The following SUFU variants were observed in gnomAD, a reference collection of about 807,000 sequenced individuals.
The protein encoded by SUFU is suppressor of fused homolog.
In SUFU, 7 loss-of-function variants were observed where a neutral mutation model predicts 58.9. The observed-to-expected ratio is 0.12, with a 90% CI of 0.07 to 0.22. The LOEUF (loss-of-function observed/expected upper bound fraction) is 0.22. Among genes scored for constraint, SUFU ranks in the 10% least tolerant of loss-of-function variants. The pLI is 1.00. For synonymous variants in SUFU, 232 were observed against 254.8 expected, an observed-to-expected ratio of 0.91 and a Z score of 0.85; for missense variants, 451 against 641.3, an observed-to-expected ratio of 0.70 and a Z score of 3.20.
At chr10:102,560,186 G>A (rs2063021590) in intron 3 of SUFU, among the ~76,000 whole-genome samples, 2 of 152,202 alleles carry the variant, frequency 1.3e-5, no homozygotes, top group Non-Finnish European at 2.9e-5. Context: ...CACAGAAGGT[G>A]AAAGTCCTTC....
Position 102,590,401 on chromosome 10 carries a change from G to A in SUFU, c.455-2181G>A, listed in dbSNP as rs576469130. ...AGGCTAGTCTTGAACTCCTGACCTC[G>A]TGATCCGCGTGCCTCGGCCTCCCAA... On this transcript the variant is annotated intron_variant, in intron 3 of 11. Coordinates refer to ENST00000369902, the MANE Select transcript of SUFU (RefSeq NM_016169.4). 2.1e-3 allele frequency among the ~76,000 whole-genome samples: 313 copies of A among 152,006 alleles called. 2 individuals carry two copies. Among genetic ancestry groups the A allele is most frequent in the Middle Eastern group, 0.017 (5 of 294 alleles).
At chr10:102,622,598 C>T (rs1027795892) in intron 10 of SUFU, among the ~76,000 whole-genome samples, 29 of 151,628 alleles carry the variant, frequency 1.9e-4, no homozygotes, top group Admixed American at 1.2e-3. Context: ...AAAAATTAGC[C>T]GGGCATGGCG....
chr10:102,587,544 T>G (rs1424833902), intron 3 of SUFU, among the ~76,000 whole-genome samples: 1 of 152,226 alleles, frequency 6.6e-6, no homozygotes, highest in Non-Finnish European at 1.5e-5. Flanking sequence ...CAGGCTGGAG[T>G]GCAGTAGCGT....
At chr10:102,533,656 G>A (rs546980401) in intron 2 of SUFU, among the ~76,000 whole-genome samples, 2 of 152,084 alleles carry the variant, frequency 1.3e-5, no homozygotes, top group Non-Finnish European at 2.9e-5. Flanking sequence ...CTTAGCTCAC[G>A]GCCACTCCCT....
intron 2 of SUFU, among the ~76,000 whole-genome samples, chr10:102,545,611 A>G (rs1590015164): frequency 6.6e-6 from 1 of 152,170 alleles, no homozygotes; most frequent in Non-Finnish European, 1.5e-5. Flanking sequence ...AACACTTACT[A>G]TCTCTTAGTT....
chr10:102,509,689 A>G (rs984903437), intron 2 of SUFU, among the ~76,000 whole-genome samples: 4 of 152,056 alleles, frequency 2.6e-5, no homozygotes, highest in Admixed American at 6.6e-5. Context: ...TATAGTGAAC[A>G]CTCATATACC....
intron 8 of SUFU, among the ~76,000 whole-genome samples, chr10:102,613,837 G>A (rs920528178): frequency 2.6e-5 from 4 of 152,210 alleles, no homozygotes; most frequent in South Asian, 2.1e-4. Context: ...GCCGTGGGCC[G>A]CACTTTTGGT....
chr10:102,536,089 C>T (rs528191186), intron 2 of SUFU, among the ~76,000 whole-genome samples: 109 of 152,120 alleles, frequency 7.2e-4, no homozygotes, highest in African/African-American at 2.0e-3. Context: ...CTGTCTCAGC[C>T]TCCTAAGTAG....
At chr10:102,536,289 G>C (rs111352561) in intron 2 of SUFU, among the ~76,000 whole-genome samples, 13,703 of 147,844 alleles carry the variant, frequency 0.093, 793 homozygotes, top group Middle Eastern at 0.23. Flanking sequence ...ATAAATGGTA[G>C]AAAATTTTGG....
chr10:102,618,769 T>G, intron 10 of SUFU: 1 of 502,582 alleles, frequency 2.0e-6, no homozygotes, highest in Non-Finnish European at 3.5e-6. Context: ...AGGGCCTCCC[T>G]CCATTCCCTA....
At chr10:102,623,053 C>G (rs972423585) in intron 10 of SUFU, among the ~76,000 whole-genome samples, 1 of 146,428 alleles carries the variant, frequency 6.8e-6, no homozygotes, top group Non-Finnish European at 1.5e-5. Flanking sequence ...TATTCTGATT[C>G]AGGAAGTGTG....
intron 6 of SUFU, among the ~76,000 whole-genome samples, chr10:102,596,214 G>A (rs953058296): frequency 2.0e-5 from 3 of 152,162 alleles, no homozygotes. Flanking sequence ...GGGCTTCTGG[G>A]CTGATCAGCA....
chr10:102,592,494 C>T (rs2063413675), intron 3 of SUFU, 88 bp from the exon 4 acceptor site: 4 of 1,551,492 alleles, frequency 2.6e-6, no homozygotes, highest in Non-Finnish European at 1.8e-6. Context: ...TGGGAAGCCT[C>T]CCAGCCTGGG....
At chr10:102,525,011 C>T (rs1010663744) in intron 2 of SUFU, among the ~76,000 whole-genome samples, 3 of 152,244 alleles carry the variant, frequency 2.0e-5, no homozygotes, top group Non-Finnish European at 1.5e-5. Context: ...GGAGAGGAGA[C>T]ATTCCAAGGG....
rs1332258864 is a variant in SUFU at position 102,504,177 on chromosome 10, GC to G, written c.30del (p.Gly11AlafsTer85). 2.6e-6 allele frequency: 4 copies of G among 1,544,630 alleles called. No homozygotes were observed. The highest frequency in any genetic ancestry group is 2.6e-6 in the Non-Finnish European group (3 of 1,146,216). On this transcript the variant is annotated frameshift_variant, in exon 1 of 12. Transcript: ENST00000369902. LOFTEE classifies it high-confidence loss of function. ...GATGGCGGAGCTGCGGCCTAGCGGC[GC>G]CCCCGGCCCCACCGCGCCCCCGGCC... Reference protein sequence around the residue: MAELRPSGAPGPTAPPAPG... With the variant: MAELRPSGXPGPTAPPAPG...
At chr10:102,530,447 CTTTTTTTTTT>C (rs34892390) in intron 2 of SUFU, among the ~76,000 whole-genome samples, 1 of 113,480 alleles carries the variant, frequency 8.8e-6, no homozygotes, top group Non-Finnish European at 1.7e-5. Context: ...TATTTTAAAT[CTTTTTTTTTT>C]TTTTTTTTTT....
intron 2 of SUFU, among the ~76,000 whole-genome samples, chr10:102,534,910 T>C (rs1216262243): frequency 6.6e-6 from 1 of 152,114 alleles, no homozygotes; most frequent in Non-Finnish European, 1.5e-5. Context: ...GTTGGAGACA[T>C]GCATGGGAGA....
chr10:102,564,782 C>G (rs1468900261), intron 3 of SUFU, among the ~76,000 whole-genome samples: 4 of 152,232 alleles, frequency 2.6e-5, no homozygotes, highest in African/African-American at 9.7e-5. Context: ...CAACCTGATT[C>G]ATCCTCTTTT....
chr10:102,513,033 G>A lies in SUFU; in HGVS notation c.317+3730G>A, dbSNP rs564355412. 8.6e-5 allele frequency among the ~76,000 whole-genome samples: 13 copies of A among 152,026 alleles called. No individual in the cohort carries two copies. In the South Asian group the frequency reaches 2.1e-3, roughly 24 times the overall value. ...CAGTAAGCCATAATTGCACTACTGC[G>A]CTCCAGTTTGGGTAACAGAGCGAGA... On this transcript the variant is annotated intron_variant, in intron 2 of 11. Coordinates refer to ENST00000369902, the MANE Select transcript of SUFU (RefSeq NM_016169.4).
Sources: gnomAD v4.1 joint callset for allele counts (sites outside exome capture counted in the v4.1 genomes callset) on GRCh38, gnomAD v4.1.1 for gene constraint, MANE v1.5 for transcripts, NCBI Gene and HGNC (gene_info 2026-07-23, HGNC 2026-07-21) for gene names.